The following FILIP1L variants were observed in gnomAD, a reference collection of about 807,000 sequenced individuals.
The protein encoded by FILIP1L is filamin A-interacting protein 1-like.
Under a neutral mutation model 96.6 loss-of-function variants are expected in FILIP1L, and 55 were observed. The observed-to-expected ratio is 0.57, with a 90% confidence interval of 0.46 to 0.71. The LOEUF is 0.71. Among genes scored for constraint, FILIP1L ranks in the 30% least tolerant of loss-of-function variants. The pLI is 0.00. For missense variants in FILIP1L, 1,304 were observed against 1,321.2 expected, an observed-to-expected ratio of 0.99 and a Z score of 0.20; for synonymous variants, 467 against 473.9, an observed-to-expected ratio of 0.99 and a Z score of 0.19.
intron 4 of FILIP1L, among the ~76,000 whole-genome samples, chr3:99,923,451 A>G (rs1223980011): frequency 2.0e-5 from 3 of 152,126 alleles, no homozygotes; most frequent in African/African-American, 4.8e-5. Context: ...CCCATATTTC[A>G]TATGTTCCTG....
chr3:100,076,150 G>A lies in FILIP1L; in HGVS notation c.-11+37903C>T, dbSNP rs117146686. Among the ~76,000 whole-genome samples the A allele has an allele frequency of 7.0e-4, 106 of 152,216 alleles. 1 individual carries two copies. The East Asian group carries it at 0.018, about 26-fold the overall frequency. On this transcript the variant is annotated intron_variant, in intron 1 of 5. Coordinates refer to ENST00000477258, the MANE Select transcript of FILIP1L (RefSeq NM_001387850.1). ...AATATATTTGTTAGTTATCTTGCCCGGAAAACCCTTAAAAATGTAAACAAT... is the reference window on the plus strand; with the variant it reads ...AATATATTTGTTAGTTATCTTGCCCAGAAAACCCTTAAAAATGTAAACAAT...
At chr3:100,109,453 TGTTCCTGCTCACCCTTTTGTAGTCA>T (rs1432037365) in intron 1 of FILIP1L, among the ~76,000 whole-genome samples, 3 of 152,212 alleles carry the variant, frequency 2.0e-5, no homozygotes, top group African/African-American at 7.2e-5. Flanking sequence ...TCACCCGAGA[TGTTCCTGCTCACCCTTTTGTAGTCA>T]GTTCCTCCCC....
intron 1 of FILIP1L, among the ~76,000 whole-genome samples, chr3:100,111,387 G>T (rs369008367): frequency 7.4e-4 from 112 of 152,270 alleles, no homozygotes; most frequent in African/African-American, 2.6e-3. Flanking sequence ...AACATTAGCT[G>T]GGCTAGTCCC....
At chr3:99,866,858 A>G (rs1294317716) in intron 4 of FILIP1L, among the ~76,000 whole-genome samples, 1 of 152,186 alleles carries the variant, frequency 6.6e-6, no homozygotes, top group African/African-American at 2.4e-5. Flanking sequence ...CTGGAACATG[A>G]ATGACCATTT....
At chr3:100,005,373 C>T (rs1709958992) in intron 1 of FILIP1L, among the ~76,000 whole-genome samples, 1 of 152,188 alleles carries the variant, frequency 6.6e-6, no homozygotes, top group African/African-American at 2.4e-5. Context: ...GATGGGATCT[C>T]AGAGTGGGGT....
chr3:100,053,309 T>C (rs2065405228), intron 1 of FILIP1L, among the ~76,000 whole-genome samples: 1 of 152,196 alleles, frequency 6.6e-6, no homozygotes, highest in African/African-American at 2.4e-5. Context: ...GAAATCAAAG[T>C]GTCAGCAGGG....
chr3:99,981,625 G>C (rs1428573985), intron 1 of FILIP1L, among the ~76,000 whole-genome samples: 1 of 152,122 alleles, frequency 6.6e-6, no homozygotes, highest in Admixed American at 6.6e-5. Flanking sequence ...TCCCCGTTTT[G>C]CAAGTGGAAA....
At chr3:99,834,854 C>A (rs1429396208) in intron 5 of FILIP1L, among the ~76,000 whole-genome samples, 1 of 152,138 alleles carries the variant, frequency 6.6e-6, no homozygotes, top group Non-Finnish European at 1.5e-5. Context: ...AAACACTTTA[C>A]CCATGTAAAC....
At chr3:100,091,854 G>A (rs1439988385) in intron 1 of FILIP1L, among the ~76,000 whole-genome samples, 1 of 152,126 alleles carries the variant, frequency 6.6e-6, no homozygotes, top group Non-Finnish European at 1.5e-5. Context: ...CCGATTCCAC[G>A]TTGGGCCTGA....
Position 99,909,974 on chromosome 3 carries a change from G to A in FILIP1L, c.605+14256C>T, listed in dbSNP as rs1179960058. On this transcript the variant is annotated intron_variant, in intron 4 of 5. Transcript: ENST00000477258. ...AAATGAGTGAGAAATTTCAGTTCTC[G>A]GGGCAAAATGTGTATTCAGAGCTGA... Among the ~76,000 whole-genome samples, 8 of 83,484 alleles carry A rather than the reference G, an allele frequency of 9.6e-5. No homozygotes were observed. The South Asian group carries it at 1.3e-3, about 14-fold the overall frequency. The allele number at this position is 83,484 out of a possible 152,430, so 54.8% of individuals were successfully genotyped here. A position where few individuals can be genotyped will look rare whatever the true frequency, so the allele number is the denominator to read the frequency against.
intron 1 of FILIP1L, among the ~76,000 whole-genome samples, chr3:100,015,140 T>TA (rs1439785433): frequency 6.6e-6 from 1 of 151,992 alleles, no homozygotes; most frequent in Admixed American, 6.6e-5. Context: ...CACCATTTGT[T>TA]AAAGATGCTG....
chr3:99,879,253 G>A (rs1705640275), intron 4 of FILIP1L, among the ~76,000 whole-genome samples: 1 of 152,020 alleles, frequency 6.6e-6, no homozygotes, highest in Non-Finnish European at 1.5e-5. Flanking sequence ...AGGTAACAAG[G>A]CAAGAAACAA....
At chr3:99,954,642 A>G (rs1260099419) in intron 1 of FILIP1L, among the ~76,000 whole-genome samples, 2 of 152,124 alleles carry the variant, frequency 1.3e-5, no homozygotes, top group Non-Finnish European at 2.9e-5. Context: ...CCTGACCAAC[A>G]TGGTGAAACC....
intron 1 of FILIP1L, among the ~76,000 whole-genome samples, chr3:100,074,044 G>T (rs915601506): frequency 6.6e-6 from 1 of 152,050 alleles, no homozygotes; most frequent in African/African-American, 2.4e-5. Flanking sequence ...TGTTAACTGC[G>T]GGAAAAGGTT....
Position 99,973,027 on chromosome 3 carries a change from C to T in FILIP1L, c.-10-41997G>A, listed in dbSNP as rs570019922. ...TTTGGGACAGAAACCACTAAAAGCT[C>T]CCCTTTTATCTGTTCACAAAATTAG... On this transcript the variant is annotated intron_variant, in intron 1 of 5. Transcript: ENST00000477258. Among the ~76,000 whole-genome samples, 106 of 152,240 alleles carry T rather than the reference C, an allele frequency of 7.0e-4. No individual in the cohort carries two copies. In the South Asian group the frequency reaches 0.011, roughly 16 times the overall value.
At chr3:99,993,314 A>G (rs1266281499) in intron 1 of FILIP1L, among the ~76,000 whole-genome samples, 1 of 152,014 alleles carries the variant, frequency 6.6e-6, no homozygotes, top group Non-Finnish European at 1.5e-5. Context: ...GTCATCTACA[A>G]CTTCTTTCAG....
rs1943610560 is a variant in FILIP1L, at chr3:99,850,305, C to A, written c.1371G>T (p.Gln457His). Residue 457 changes from glutamine to histidine, a missense_variant, in exon 5 of 6, where the codon CAG (glutamine) becomes CAT (histidine). Coordinates refer to ENST00000477258, the MANE Select transcript of FILIP1L (RefSeq NM_001387850.1). Reference sequence around the variant, plus strand: ...TTAAACTCTCCAGTTCTTGAGACAACTGCTTTGTGGTCATCCTTTCTTTTT... The same window carrying A: ...TTAAACTCTCCAGTTCTTGAGACAAATGCTTTGTGGTCATCCTTTCTTTTT... ...NLEKERMTTK[Q>H]LSQELESLKV... 1.2e-6 allele frequency: 2 copies of A among 1,613,682 alleles called. No individual in the cohort carries two copies. Among genetic ancestry groups the A allele is most frequent in the Non-Finnish European group, 1.7e-6 (2 of 1,180,000 alleles).
chr3:99,863,773 A>G (rs901224905), intron 4 of FILIP1L, among the ~76,000 whole-genome samples: 11 of 152,194 alleles, frequency 7.2e-5, no homozygotes, highest in South Asian at 2.1e-4. Flanking sequence ...CATCTCCCCA[A>G]CTGTAACCAC....
chr3:99,904,738 T>G (rs1706555681), intron 4 of FILIP1L, among the ~76,000 whole-genome samples: 1 of 152,164 alleles, frequency 6.6e-6, no homozygotes, highest in Admixed American at 6.5e-5. Context: ...CCACACCCAC[T>G]TCTCTTCTGC....
Sources: gnomAD v4.1 joint callset for allele counts (sites outside exome capture counted in the v4.1 genomes callset) on GRCh38, gnomAD v4.1.1 for gene constraint, MANE v1.5 for transcripts, NCBI Gene and HGNC (gene_info 2026-07-23, HGNC 2026-07-21) for gene names.